The following KLHL29 variants were observed in gnomAD, a reference collection of about 807,000 sequenced individuals.
KLHL29 encodes kelch like family member 29.
KLHL29 carries 21 observed loss-of-function variants against 80.4 expected under a neutral mutation model. That is an observed-to-expected ratio of 0.26 (90% CI 0.19 to 0.38). The LOEUF is 0.38. KLHL29 is among the 10% of genes least tolerant of loss of function. The pLI, the probability that KLHL29 is intolerant of heterozygous loss-of-function variation, is 1.00. For synonymous variants in KLHL29, 511 were observed against 526.8 expected, an observed-to-expected ratio of 0.97 and a Z score of 0.41; for missense variants, 867 against 1,223.9, an observed-to-expected ratio of 0.71 and a Z score of 4.35.
Position 23,623,101 on chromosome 2 carries a change from G to A in KLHL29, c.286-16038G>A, listed in dbSNP as rs532940375. 7.9e-5 allele frequency among the ~76,000 whole-genome samples: 12 copies of A among 152,298 alleles called. No individual in the cohort carries two copies. The South Asian group carries it at 1.2e-3, about 16-fold the overall frequency. On this transcript the variant is annotated intron_variant, in intron 3 of 13. Transcript: ENST00000486442. ...AGAGCTGGTCACAGGTGGACCCAGC[G>A]TGCAGGGGAGGAAGCTGTCCCACCC...
intron 2 of KLHL29, among the ~76,000 whole-genome samples, chr2:23,501,495 A>G (rs1665434070): frequency 6.6e-6 from 1 of 152,046 alleles, no homozygotes; most frequent in African/African-American, 2.4e-5. Flanking sequence ...GCTTAATTCC[A>G]TTATCACTCA....
chr2:23,539,039 G>A (rs920011532), intron 2 of KLHL29, among the ~76,000 whole-genome samples: 57 of 152,228 alleles, frequency 3.7e-4, no homozygotes, highest in African/African-American at 1.3e-3. Context: ...GAAGGGCTGG[G>A]AAAGATCGTA....
At chr2:23,542,642 C>T (rs1381521488) in intron 2 of KLHL29, among the ~76,000 whole-genome samples, 1 of 152,236 alleles carries the variant, frequency 6.6e-6, no homozygotes, top group Non-Finnish European at 1.5e-5. Flanking sequence ...AGCCACTGTC[C>T]TTCCTGCATT....
rs61729937 is a variant in KLHL29, at chr2:23,693,513, C to A, written c.1527C>A (p.Pro509=). Residue 509 remains proline, a synonymous_variant, in exon 8 of 14, where the codon CCC becomes CCA. Transcript: ENST00000486442. Reference sequence around the variant, plus strand: ...TCATCAAGTGGATCAAGAAGGACCCCGCGACACGCACACAGGTGGGGCCTG... The same window carrying A: ...TCATCAAGTGGATCAAGAAGGACCCAGCGACACGCACACAGGTGGGGCCTG... ...ETVIKWIKKD[P]ATRTQYAAEL... is the part of the protein sequence containing the mutation. 14,688 of 1,550,492 alleles carry A rather than the reference C, an allele frequency of 9.5e-3. 90 individuals are homozygous for A. The highest frequency in any genetic ancestry group is 0.024 in the Middle Eastern group (142 of 5,986).
chr2:23,450,793 G>C (rs998559849), intron 1 of KLHL29, among the ~76,000 whole-genome samples: 3 of 152,172 alleles, frequency 2.0e-5, no homozygotes, highest in African/African-American at 7.2e-5. Context: ...ATACAATTCA[G>C]TGGTTTTTAA....
intron 3 of KLHL29, among the ~76,000 whole-genome samples, chr2:23,588,097 C>T (rs192927761): frequency 2.6e-5 from 4 of 152,372 alleles, no homozygotes; most frequent in Admixed American, 2.0e-4. Flanking sequence ...ACCTGGTCCC[C>T]GCCATGCACT....
chr2:23,536,465 G>A (rs11898503), intron 2 of KLHL29, among the ~76,000 whole-genome samples: 71,877 of 152,066 alleles, frequency 0.47, 19,396 homozygotes, highest in East Asian at 0.87. Flanking sequence ...CAGGCCTGCC[G>A]TGGAGAGTTT....
At chr2:23,450,400 A>C (rs1038083350) in intron 1 of KLHL29, among the ~76,000 whole-genome samples, 1 of 152,008 alleles carries the variant, frequency 6.6e-6, no homozygotes, top group African/African-American at 2.4e-5. Flanking sequence ...TAATAACCTT[A>C]TAGGGCTCTC....
intron 1 of KLHL29, among the ~76,000 whole-genome samples, chr2:23,445,423 C>A (rs2103417883): frequency 6.6e-6 from 1 of 152,302 alleles, no homozygotes; most frequent in East Asian, 1.9e-4. Flanking sequence ...GCCTTGAAAT[C>A]CCTCCATACC....
chr2:23,703,361 A>G lies in KLHL29; in HGVS notation c.2281A>G (p.Ile761Val). ...YVPQTNTWSFIESPMIDNKYA... is the reference protein window; with the variant it reads ...YVPQTNTWSFVESPMIDNKYA... ...TCCTCAGACCAACACGTGGAGCTTC[A>G]TCGAGTCCCCAATGATTGGTGAGAA... The change falls in exon 12 of 14, where the codon ATC becomes GTC. Residue 761 changes from isoleucine to valine, a missense_variant. Ile to Val is a conservative substitution (Grantham distance 29, BLOSUM62 3). Coordinates refer to ENST00000486442, the MANE Select transcript of KLHL29 (RefSeq NM_052920.2). The G allele has an allele frequency of 6.6e-7, 1 of 1,514,622 alleles. No individual in the cohort carries two copies. The highest frequency in any genetic ancestry group is 8.8e-7 in the Non-Finnish European group (1 of 1,132,694). The allele number at this position is 1,514,622 out of a possible 1,614,324, so 93.8% of individuals were successfully genotyped here.
chr2:23,698,971 T>C (rs546569293), intron 11 of KLHL29, among the ~76,000 whole-genome samples: 15 of 152,372 alleles, frequency 9.8e-5, no homozygotes, highest in Middle Eastern at 3.4e-3. Flanking sequence ...TTTGGAACCC[T>C]GCCATATTGG....
chr2:23,642,969 C>A, intron 5 of KLHL29, 119 bp downstream of exon 5: 1 of 1,204,440 alleles, frequency 8.3e-7, no homozygotes, highest in Non-Finnish European at 1.2e-6. Flanking sequence ...GCCTCCCCAA[C>A]CCAGAGGCTG....
In KLHL29 at chr2:23,695,627, C is replaced by T. The variant is rs578019029; in HGVS notation, c.1547C>T (p.Ala516Val). Residue 516 changes from alanine to valine, a missense_variant, in exon 9 of 14, where the codon GCG (alanine) becomes GTG (valine). Transcript: ENST00000486442. The surrounding 1 kb of genome is among the most constrained non-coding windows in gnomAD (Gnocchi z 7.6). The part of the protein sequence containing the change: ...KKDPATRTQY[A>V]AELLAVVRLP... ...TCTGTCTCCTGTACCCTGCAGTACG[C>T]GGCTGAGCTCCTGGCCGTGGTCCGC... The T allele has an allele frequency of 7.2e-5, 111 of 1,549,198 alleles. 1 individual carries two copies. In the Middle Eastern group the frequency reaches 1.3e-3, roughly 19 times the overall value.
chr2:23,667,086 G>T (rs960593880), intron 5 of KLHL29: 1 of 152,226 alleles, frequency 6.6e-6, no homozygotes, highest in Non-Finnish European at 1.5e-5. Context: ...CTGGGAGGTC[G>T]TGATACCACC....
At chr2:23,412,524 T>C (rs73921809) in intron 1 of KLHL29, among the ~76,000 whole-genome samples, 6,392 of 152,104 alleles carry the variant, frequency 0.042, 431 homozygotes, top group African/African-American at 0.14. Flanking sequence ...GTGGACTGAA[T>C]GTTCTCCAAG....
chr2:23,589,723 TCC>T (rs1668209202), intron 3 of KLHL29, among the ~76,000 whole-genome samples: 1 of 152,118 alleles, frequency 6.6e-6, no homozygotes, highest in South Asian at 2.1e-4. Flanking sequence ...GAGCAAACAG[TCC>T]AACTCAGCAG....
chr2:23,625,416 G>A (rs772469871), intron 3 of KLHL29, among the ~76,000 whole-genome samples: 3 of 152,338 alleles, frequency 2.0e-5, no homozygotes, highest in Non-Finnish European at 2.9e-5. Flanking sequence ...ACAGGGGCAC[G>A]GTGGATTCTC....
intron 3 of KLHL29, among the ~76,000 whole-genome samples, chr2:23,633,792 T>TGTGTGTGTGTGTGTGTG (rs1190935622): frequency 6.6e-6 from 1 of 151,790 alleles, no homozygotes; most frequent in African/African-American, 2.4e-5. Context: ...TGTGTGTGTG[T>TGTGTGTGTGTGTGTGTG]TTAATTTGAC....
intron 2 of KLHL29, among the ~76,000 whole-genome samples, chr2:23,505,244 G>A (rs1665564595): frequency 6.6e-6 from 1 of 152,238 alleles, no homozygotes; most frequent in Non-Finnish European, 1.5e-5. Context: ...AGAGCCCTGT[G>A]ATGCAGGGTG....
Sources: allele counts gnomAD v4.1 joint callset (sites outside exome capture counted in the v4.1 genomes callset), GRCh38; gene constraint gnomAD v4.1.1; non-coding constraint Gnocchi (gnomAD v3.1); transcripts MANE v1.5; gene names NCBI Gene and HGNC (gene_info 2026-07-23, HGNC 2026-07-21).